Variants in MYO3A observed in about 807,000 individuals in gnomAD.
MYO3A encodes the protein myosin-IIIa.
In MYO3A, 180 loss-of-function variants were observed where a neutral mutation model predicts 192.7. The observed-to-expected ratio is 0.93, with a 90% CI of 0.83 to 1.06. The LOEUF is 1.06. Among genes scored for constraint, MYO3A ranks in the 50% least tolerant of loss-of-function variants. The pLI, the probability that MYO3A is intolerant of heterozygous loss-of-function variation, is 0.00. For synonymous variants in MYO3A, 628 were observed against 645.3 expected, an observed-to-expected ratio of 0.97 and a Z score of 0.41; for missense variants, 1,896 against 1,905.0, an observed-to-expected ratio of 1.00 and a Z score of 0.09.
intron 2 of MYO3A, among the ~76,000 whole-genome samples, chr10:25,939,751 A>G (rs1057497854): frequency 6.6e-6 from 1 of 151,718 alleles, no homozygotes; most frequent in Non-Finnish European, 1.5e-5. Context: ...TCTCCTTGTT[A>G]ATTATGTTGT....
intron 14 of MYO3A, among the ~76,000 whole-genome samples, chr10:26,086,345 G>A (rs903317140): frequency 2.6e-5 from 4 of 152,086 alleles, no homozygotes; most frequent in African/African-American, 9.7e-5. Flanking sequence ...CCTCTCACCA[G>A]GCCCCCTCCC....
intron 4 of MYO3A, among the ~76,000 whole-genome samples, chr10:25,965,433 C>T (rs918259033): frequency 2.0e-5 from 3 of 152,066 alleles, no homozygotes; most frequent in Admixed American, 6.5e-5. Flanking sequence ...GTCCTTGCCA[C>T]TCTTCCTTCT....
At chr10:26,195,307 T>C (rs1172865932) in intron 32 of MYO3A, among the ~76,000 whole-genome samples, 33 of 152,262 alleles carry the variant, frequency 2.2e-4, no homozygotes, top group Non-Finnish European at 7.4e-5. Flanking sequence ...ATCTCTTGAG[T>C]TTCTGTTTCT....
chr10:25,959,076 T>C (rs76702061), intron 4 of MYO3A, among the ~76,000 whole-genome samples: 6,567 of 152,200 alleles, frequency 0.043, 181 homozygotes, highest in Middle Eastern at 0.068. Flanking sequence ...GCCAAGACCA[T>C]GGAATTTTCT....
intron 6 of MYO3A, among the ~76,000 whole-genome samples, chr10:26,004,188 C>A (rs1313084415): frequency 1.3e-5 from 2 of 152,150 alleles, no homozygotes; most frequent in African/African-American, 4.8e-5. Context: ...AGAAGCACAT[C>A]CATGTAGGGT....
intron 4 of MYO3A, among the ~76,000 whole-genome samples, chr10:25,958,885 T>C (rs918455688): frequency 3.9e-5 from 6 of 152,136 alleles, no homozygotes; most frequent in Admixed American, 2.6e-4. Flanking sequence ...GGCTTTCACC[T>C]CCCTGGTTAG....
intron 2 of MYO3A, among the ~76,000 whole-genome samples, chr10:25,947,585 G>A (rs1034896014): frequency 6.6e-6 from 1 of 151,692 alleles, no homozygotes; most frequent in African/African-American, 2.4e-5. Flanking sequence ...TAGAGACAGG[G>A]TTTCTCCATG....
intron 23 of MYO3A, among the ~76,000 whole-genome samples, chr10:26,151,741 T>G (rs1183053100): frequency 6.6e-6 from 1 of 152,208 alleles, no homozygotes; most frequent in Non-Finnish European, 1.5e-5. Context: ...TATTGGCTTA[T>G]TTTCCCAGGC....
intron 10 of MYO3A, among the ~76,000 whole-genome samples, chr10:26,055,978 G>A (rs1169404673): frequency 6.6e-6 from 1 of 152,182 alleles, no homozygotes; most frequent in African/African-American, 2.4e-5. Flanking sequence ...AAAAATCACA[G>A]TTTGAAGAAA....
chr10:26,088,152 A>T, intron 14 of MYO3A, 51 bp from the exon 15 acceptor site: 2 of 1,392,736 alleles, frequency 1.4e-6, no homozygotes, highest in Non-Finnish European at 2.0e-6. Flanking sequence ...TTCATTATAT[A>T]CCAAATTAAT....
intron 10 of MYO3A, among the ~76,000 whole-genome samples, chr10:26,046,776 A>G (rs1192755760): frequency 6.6e-6 from 1 of 152,238 alleles, no homozygotes; most frequent in Non-Finnish European, 1.5e-5. Flanking sequence ...ACATTCAGTA[A>G]ATATATACAA....
At position 26,166,176 on chromosome 10, in the gene MYO3A, A is replaced by G. The variant is rs1284172152; in HGVS notation, c.3109A>G (p.Lys1037Glu). The G allele has an allele frequency of 1.2e-6, 2 of 1,603,860 alleles. No individual in the cohort carries two copies. Among genetic ancestry groups the G allele is most frequent in the Non-Finnish European group, 1.7e-6 (2 of 1,170,950 alleles). The change falls in exon 27 of 35, where the codon AAA becomes GAA. Residue 1037 changes from lysine to glutamate, a missense_variant and splice_region_variant. Transcript: ENST00000642920. ...GLDNWALGKTKVFLKYYHVEQ... is the reference protein window; with the variant it reads ...GLDNWALGKTEVFLKYYHVEQ... ...CGATAACTGGGCTCTTGGAAAAACAAAAGTAATGTTTTCATGTAATTTTCA... is the reference window on the plus strand; with the variant it reads ...CGATAACTGGGCTCTTGGAAAAACAGAAGTAATGTTTTCATGTAATTTTCA...
chr10:26,030,074 G>GT (rs974816626), intron 10 of MYO3A, among the ~76,000 whole-genome samples: 7 of 152,132 alleles, frequency 4.6e-5, no homozygotes, highest in Non-Finnish European at 8.8e-5. Context: ...AGAAGCGGCA[G>GT]TTTTTTCAAT....
At chr10:26,088,058 C>G in intron 14 of MYO3A, 145 bp from the exon 15 acceptor site, 1 of 659,212 alleles carries the variant, frequency 1.5e-6, no homozygotes, top group East Asian at 2.8e-5. Flanking sequence ...GGAAAATAGA[C>G]CAGGATGTAA....
chr10:26,063,480 C>G (rs12776958), intron 10 of MYO3A, among the ~76,000 whole-genome samples: 71,887 of 151,966 alleles, frequency 0.47, 17,847 homozygotes, highest in Middle Eastern at 0.59. Flanking sequence ...TTTGTAAAAG[C>G]TGAAAGGTCA....
At chr10:25,965,326 T>C (rs1838192353) in intron 4 of MYO3A, among the ~76,000 whole-genome samples, 1 of 152,124 alleles carries the variant, frequency 6.6e-6, no homozygotes, top group Non-Finnish European at 1.5e-5. Flanking sequence ...TGTTTAGAAA[T>C]GTCATCTGGG....
At position 26,170,455 on chromosome 10, in the gene MYO3A, T is replaced by C. The variant is rs781404924; in HGVS notation, c.3314T>C (p.Ile1105Thr). Reference protein sequence around the residue: ...GHLVRKQRKEIVDMKNTAVTT... With the variant: ...GHLVRKQRKETVDMKNTAVTT... ...CTTGTCAGGAAACAAAGAAAAGAAA[T>C]TGTTGACATGAAAAACACAGCAGTA... Residue 1105 changes from isoleucine to threonine, a missense_variant, in exon 29 of 35, where the codon ATT (isoleucine) becomes ACT (threonine). Ile to Thr is a moderately conservative substitution (Grantham distance 89). Transcript: ENST00000642920. The C allele has an allele frequency of 2.5e-6, 4 of 1,613,534 alleles. No homozygotes were observed. Among genetic ancestry groups the C allele is most frequent in the Admixed American group, 1.7e-5 (1 of 59,986 alleles).
Position 26,176,690 on chromosome 10 carries a change from C to T in MYO3A, c.4294-11C>T, listed in dbSNP as rs1300550891. On this transcript the variant is annotated splice_polypyrimidine_tract_variant and intron_variant, in intron 30 of 34. Transcript: ENST00000642920. ...TCCTTGATTTAACCTGACACATGAC[C>T]TTCTTTTTAGATATCAAAGTTATCT... 6.2e-7 allele frequency: 1 copy of T among 1,605,674 alleles called. No individual in the cohort carries two copies. The highest frequency in any genetic ancestry group is 1.7e-5 in the Admixed American group (1 of 59,966).
intron 11 of MYO3A, 29 bp downstream of exon 11, chr10:26,067,103 A>T (rs758425549): frequency 1.4e-6 from 2 of 1,433,628 alleles, no homozygotes; most frequent in Admixed American, 1.7e-5. Context: ...TTAAACTTAG[A>T]CATTCCAGAT....
Sources: gnomAD v4.1 joint callset for allele counts (sites outside exome capture counted in the v4.1 genomes callset) on GRCh38, gnomAD v4.1.1 for gene constraint, MANE v1.5 for transcripts, NCBI Gene and HGNC (gene_info 2026-07-23, HGNC 2026-07-21) for gene names.